Variants in ROBO2 observed in about 807,000 individuals in gnomAD.
ROBO2 encodes roundabout guidance receptor 2, also known as roundabout homolog 2.
ROBO2 carries 53 observed loss-of-function variants against 160.8 expected under a neutral mutation model. The ratio of observed to expected loss-of-function variants is 0.33; its 90% CI spans 0.26 to 0.41. The LOEUF (loss-of-function observed/expected upper bound fraction) is 0.41. Among genes scored for constraint, ROBO2 ranks in the 10% least tolerant of loss-of-function variants. ROBO2 has a pLI of 1.00. For synonymous variants in ROBO2, 664 were observed against 611.7 expected (o/e 1.09, Z -1.26); for missense variants, 1,577 against 1,722.4 (o/e 0.92, Z 1.49).
intron 2 of ROBO2, among the ~76,000 whole-genome samples, chr3:76,154,911 A>G (rs949230753): frequency 2.6e-5 from 4 of 152,160 alleles, no homozygotes; most frequent in African/African-American, 7.2e-5. Flanking sequence ...ACAAATATAT[A>G]TTGTGGTTAT....
chr3:76,034,176 G>T (rs1217554883), intron 2 of ROBO2, among the ~76,000 whole-genome samples: 1 of 152,138 alleles, frequency 6.6e-6, no homozygotes, highest in Non-Finnish European at 1.5e-5. Context: ...GAAATGAATA[G>T]CTGCACCCAA....
intron 22 of ROBO2, among the ~76,000 whole-genome samples, chr3:77,619,256 G>A (rs1309110723): frequency 6.6e-6 from 1 of 152,086 alleles, no homozygotes; most frequent in Non-Finnish European, 1.5e-5. Context: ...AGCTCATATA[G>A]GAAATTAGAG....
intron 1 of ROBO2, among the ~76,000 whole-genome samples, chr3:75,925,384 T>C (rs968336029): frequency 6.6e-6 from 1 of 152,120 alleles, no homozygotes; most frequent in Non-Finnish European, 1.5e-5. Context: ...AATGAGACCC[T>C]GTCTCCATTC....
chr3:76,002,093 T>G (rs1484300813), intron 2 of ROBO2, among the ~76,000 whole-genome samples: 1 of 152,150 alleles, frequency 6.6e-6, no homozygotes, highest in Non-Finnish European at 1.5e-5. Flanking sequence ...TTGTGTCCCT[T>G]CAGCAAATAA....
chr3:76,589,026 T>G (rs1348670384), intron 2 of ROBO2, among the ~76,000 whole-genome samples: 1 of 152,162 alleles, frequency 6.6e-6, no homozygotes, highest in Non-Finnish European at 1.5e-5. Context: ...AAGACTAGTT[T>G]GGAAATCTTG....
chr3:76,306,432 C>A (rs532884507), intron 2 of ROBO2, among the ~76,000 whole-genome samples: 1 of 151,698 alleles, frequency 6.6e-6, no homozygotes, highest in Non-Finnish European at 1.5e-5. Flanking sequence ...AAATAAAAGG[C>A]AAGATGGTAT....
intron 2 of ROBO2, among the ~76,000 whole-genome samples, chr3:77,113,368 A>G (rs2073869326): frequency 6.6e-6 from 1 of 152,228 alleles, no homozygotes; most frequent in African/African-American, 2.4e-5. Context: ...GTTAAGAAGG[A>G]CTACCTATAA....
intron 1 of ROBO2, among the ~76,000 whole-genome samples, chr3:75,916,146 A>G (rs1171856796): frequency 6.6e-6 from 1 of 152,212 alleles, no homozygotes; most frequent in Non-Finnish European, 1.5e-5. Context: ...ATAGGTATCA[A>G]GATATTTGGT....
At chr3:76,478,730 A>T in intron 2 of ROBO2, among the ~76,000 whole-genome samples, 1 of 136,492 alleles carries the variant, frequency 7.3e-6, no homozygotes, top group African/African-American at 2.8e-5. Context: ...CAGCTCGGCT[A>T]GAGTGCAGTG....
chr3:77,335,875 G>T (rs1468496664), intron 2 of ROBO2, among the ~76,000 whole-genome samples: 1 of 152,190 alleles, frequency 6.6e-6, no homozygotes, highest in African/African-American at 2.4e-5. Context: ...ATGCAACCTT[G>T]TTAACTGCTA....
intron 2 of ROBO2, among the ~76,000 whole-genome samples, chr3:76,443,416 G>A (rs1406597925): frequency 2.0e-5 from 3 of 152,076 alleles, no homozygotes; most frequent in Non-Finnish European, 2.9e-5. Flanking sequence ...GTCTTGCGAT[G>A]TATCCCCTGA....
chr3:76,192,844 G>T (rs1702079850), intron 2 of ROBO2, among the ~76,000 whole-genome samples: 1 of 151,980 alleles, frequency 6.6e-6, no homozygotes, highest in Non-Finnish European at 1.5e-5. Flanking sequence ...CCACTTGACA[G>T]CCAAGTGTTC....
At position 76,999,866 on chromosome 3, in the gene ROBO2, C is replaced by A. The variant is rs181647477; in HGVS notation, c.110-98148C>A. ...ATACCTTTGTGTTCTTTGTCTGTTT[C>A]ATGTGTTGTTTTTCTTAAAAATTGG... On this transcript the variant is annotated intron_variant, in intron 2 of 26. Coordinates refer to the ROBO2 transcript ENST00000487694. Among the ~76,000 whole-genome samples the A allele has an allele frequency of 4.6e-5, 7 of 152,170 alleles. No homozygotes were observed. The East Asian group carries it at 1.4e-3, about 29-fold the overall frequency.
chr3:77,574,357 A>G (rs1381429254), intron 13 of ROBO2, 142 bp from the exon 15 acceptor site: 2 of 714,732 alleles, frequency 2.8e-6, no homozygotes, highest in East Asian at 5.4e-5. Flanking sequence ...TATTAGAAGC[A>G]GAGAGATTAG....
intron 2 of ROBO2, among the ~76,000 whole-genome samples, chr3:76,813,721 A>G (rs919045608): frequency 6.6e-6 from 1 of 152,140 alleles, no homozygotes; most frequent in African/African-American, 2.4e-5. Flanking sequence ...ACTCACCTTG[A>G]TACATACACA....
chr3:77,520,454 T>C (rs545029733), intron 5 of ROBO2, among the ~76,000 whole-genome samples: 3 of 151,304 alleles, frequency 2.0e-5, no homozygotes, highest in Non-Finnish European at 1.5e-5. Flanking sequence ...GCAATAATTT[T>C]TTTTAACTGG....
intron 2 of ROBO2, among the ~76,000 whole-genome samples, chr3:76,338,651 G>A (rs1454810768): frequency 6.6e-6 from 1 of 151,584 alleles, no homozygotes; most frequent in African/African-American, 2.4e-5. Context: ...GCCCCAGCCT[G>A]GGAGAGTGAC....
Position 76,752,829 on chromosome 3 carries a change from C to G in ROBO2, c.110-345185C>G, listed in dbSNP as rs781269206. On this transcript the variant is annotated intron_variant, in intron 2 of 26. Transcript: ENST00000487694. The stretch of plus-strand genomic sequence containing the variant: ...GTATGCAGCATTTAAAAAAAAACTT[C>G]TAAGGCTTTAGGGACTTTTTTGTAT... 4.6e-5 allele frequency among the ~76,000 whole-genome samples: 7 copies of G among 151,454 alleles called. No homozygotes were observed. In the East Asian group the frequency reaches 1.4e-3, roughly 30 times the overall value.
intron 2 of ROBO2, among the ~76,000 whole-genome samples, chr3:76,012,824 AG>A (rs2066238547): frequency 5.7e-5 from 8 of 140,560 alleles, no homozygotes; most frequent in Non-Finnish European, 1.1e-4. Context: ...ATGTAATCCC[AG>A]AAGTAATATG....
Sources: allele counts gnomAD v4.1 joint callset (sites outside exome capture counted in the v4.1 genomes callset), GRCh38; gene constraint gnomAD v4.1.1; transcripts MANE v1.5; gene names NCBI Gene and HGNC (gene_info 2026-07-23, HGNC 2026-07-21).